The following CDK6 variants were observed in gnomAD, a reference collection of about 807,000 sequenced individuals.
CDK6 encodes cyclin-dependent kinase 6.
Under a neutral mutation model 37.1 loss-of-function variants are expected in CDK6, and 6 were observed. That is an observed-to-expected ratio of 0.16 (90% CI 0.09 to 0.32). The LOEUF (loss-of-function observed/expected upper bound fraction) is 0.32. Among genes scored for constraint, CDK6 ranks in the 10% least tolerant of loss-of-function variants. The pLI is 1.00. For missense variants in CDK6, 224 were observed against 418.9 expected (o/e 0.53, Z 4.06); for synonymous variants, 160 against 161.3 (o/e 0.99, Z 0.06).
intron 2 of CDK6, among the ~76,000 whole-genome samples, chr7:92,815,813 C>A (rs1403975378): frequency 6.6e-6 from 1 of 152,156 alleles, no homozygotes; most frequent in African/African-American, 2.4e-5. Flanking sequence ...ACATGTGGAA[C>A]TGCATGAAGT....
In CDK6 at chr7:92,607,281, G is replaced by A. The variant is rs1795450370; in HGVS notation, c.*7859C>T. The A allele has an allele frequency of 4.3e-6, 1 of 233,602 alleles. No homozygotes were observed. Among genetic ancestry groups the A allele is most frequent in the Admixed American group, 5.6e-5 (1 of 17,786 alleles). 14.5% of individuals were successfully genotyped at this position (233,602 alleles called of 1,614,324 possible). ...GGCAGACAAGAGGAGGCACCACCCA[G>A]GCACTGGTCTCTGCCTGGCATCTAT... is the stretch of plus-strand genomic sequence containing the variant. On this transcript the variant is annotated 3_prime_UTR_variant, in exon 8 of 8. Transcript: ENST00000424848.
rs528963145 is a variant in CDK6, at chr7:92,680,912, C to A, written c.538-9377G>T. ...ATGGCTCTTCTCTGAGCTTCCACTGCACTTCTATAGTACTTGACCCTTTCT... is the reference window on the plus strand; with the variant it reads ...ATGGCTCTTCTCTGAGCTTCCACTGAACTTCTATAGTACTTGACCCTTTCT... On this transcript the variant is annotated intron_variant, in intron 4 of 7. Transcript: ENST00000424848. 7.2e-5 allele frequency among the ~76,000 whole-genome samples: 11 copies of A among 152,330 alleles called. No individual in the cohort carries two copies. The South Asian group carries it at 2.1e-3, about 29-fold the overall frequency.
At chr7:92,724,726 A>G (rs1798467916) in intron 4 of CDK6, among the ~76,000 whole-genome samples, 1 of 150,616 alleles carries the variant, frequency 6.6e-6, no homozygotes, top group Non-Finnish European at 1.5e-5. Context: ...AATACGGATT[A>G]TTTTTTTTTA....
At chr7:92,797,425 C>T (rs895043758) in intron 2 of CDK6, among the ~76,000 whole-genome samples, 2 of 152,144 alleles carry the variant, frequency 1.3e-5, no homozygotes, top group African/African-American at 2.4e-5. Context: ...CTTGTGAGGT[C>T]GGGATGAGTC....
intron 2 of CDK6, among the ~76,000 whole-genome samples, chr7:92,810,710 A>G (rs1800858188): frequency 6.6e-6 from 1 of 152,218 alleles, no homozygotes; most frequent in South Asian, 2.1e-4. Context: ...TGACATAAGA[A>G]GATAAACAGT....
In CDK6 at chr7:92,606,662, T is replaced by C. The variant is rs1258252873; in HGVS notation, c.*8478A>G. ...ATTTTTTTTTTTTACTTTCAAAACA[T>C]TTTCTATTATAAGTCAGAAGGAAAA... On this transcript the variant is annotated 3_prime_UTR_variant, in exon 8 of 8. Transcript: ENST00000424848. The C allele has an allele frequency of 4.3e-6, 1 of 232,688 alleles. No individual in the cohort carries two copies. The highest frequency in any genetic ancestry group is 5.6e-5 in the Admixed American group (1 of 17,748). 14.4% of individuals were successfully genotyped at this position (232,688 alleles called of 1,614,324 possible).
At position 92,606,606 on chromosome 7, in the gene CDK6, C is replaced by T. The variant is rs1043830216; in HGVS notation, c.*8534G>A. 3.9e-5 allele frequency: 9 copies of T among 232,142 alleles called. No homozygotes were observed. Among genetic ancestry groups the T allele is most frequent in the African/African-American group, 1.8e-4 (8 of 44,966 alleles). The allele number at this position is 232,142 out of a possible 1,614,324, so 14.4% of individuals were successfully genotyped here. ...ATTTCTAGAACCATGATTTCAAACACAGAAACTAACAAGTCAAATTTCCAA... is the reference window on the plus strand; with the variant it reads ...ATTTCTAGAACCATGATTTCAAACATAGAAACTAACAAGTCAAATTTCCAA... On this transcript the variant is annotated 3_prime_UTR_variant, in exon 8 of 8. Coordinates refer to ENST00000424848, the MANE Select transcript of CDK6 (RefSeq NM_001145306.2).
intron 5 of CDK6, among the ~76,000 whole-genome samples, chr7:92,629,022 G>A (rs1049486947): frequency 9.2e-5 from 14 of 152,004 alleles, no homozygotes; most frequent in African/African-American, 3.1e-4. Flanking sequence ...GGGGAAAGAC[G>A]CACTTGAAGT....
chr7:92,714,799 T>C (rs549506450), intron 4 of CDK6, among the ~76,000 whole-genome samples: 63 of 152,314 alleles, frequency 4.1e-4, no homozygotes, highest in African/African-American at 1.4e-3. Context: ...AGTTTTTTTT[T>C]TTCTTTTTCT....
intron 2 of CDK6, among the ~76,000 whole-genome samples, chr7:92,788,695 CAA>C (rs1243961366): frequency 6.6e-6 from 1 of 152,162 alleles, no homozygotes; most frequent in African/African-American, 2.4e-5. Flanking sequence ...AAACCAAAGA[CAA>C]AGAGAGAATC....
rs34257565 is a variant in CDK6 at position 92,725,719 on chromosome 7, T to A, written c.444A>T (p.Pro148=). ...SHRVVHRDLK[P]QNILVTSSGQ... is the part of the protein sequence containing the mutation. ...CGCTGCTGGTCACCAGAATGTTCTG[T>A]GGTTTTAGATCGCGATGCACTACTC... is the stretch of plus-strand genomic sequence containing the variant. Residue 148 remains proline (P), a synonymous_variant, in exon 4 of 8, where the codon CCA becomes CCT. Coordinates refer to ENST00000424848, the MANE Select transcript of CDK6 (RefSeq NM_001145306.2). 0.011 allele frequency: 18,089 copies of A among 1,614,074 alleles called. 135 individuals are homozygous for A. Among genetic ancestry groups the A allele is most frequent in the Non-Finnish European group, 0.013 (15,852 of 1,179,942 alleles).
At chr7:92,735,237 G>T (rs867812377) in intron 3 of CDK6, among the ~76,000 whole-genome samples, 3 of 152,044 alleles carry the variant, frequency 2.0e-5, no homozygotes, top group Non-Finnish European at 4.4e-5. Flanking sequence ...TATCATTTTT[G>T]TAATAGTACA....
intron 2 of CDK6, among the ~76,000 whole-genome samples, chr7:92,787,429 A>C (rs889261723): frequency 2.0e-5 from 3 of 152,114 alleles, no homozygotes; most frequent in African/African-American, 7.2e-5. Flanking sequence ...AGGAAATCCT[A>C]ATCATCAATC....
At chr7:92,708,957 A>G (rs1337852397) in intron 4 of CDK6, among the ~76,000 whole-genome samples, 2 of 152,224 alleles carry the variant, frequency 1.3e-5, no homozygotes, top group Non-Finnish European at 2.9e-5. Flanking sequence ...GTATGAAGGC[A>G]ATTATGACCA....
At chr7:92,778,291 A>G (rs191571670) in intron 2 of CDK6, among the ~76,000 whole-genome samples, 7 of 152,192 alleles carry the variant, frequency 4.6e-5, no homozygotes, top group East Asian at 1.9e-4. Flanking sequence ...ATCCATTGAA[A>G]ATTTTTTCCT....
chr7:92,710,287 T>C (rs2116678929), intron 4 of CDK6, among the ~76,000 whole-genome samples: 1 of 152,326 alleles, frequency 6.6e-6, no homozygotes, highest in East Asian at 1.9e-4. Context: ...TGGAAAAGAT[T>C]GTCTTCCCTG....
In CDK6 at chr7:92,606,637, A is replaced by ATT. The variant is rs5885811; in HGVS notation, c.*8501_*8502dup. 1,477 of 220,078 alleles carry ATT rather than the reference A, an allele frequency of 6.7e-3. 4 individuals are homozygous for ATT. Among genetic ancestry groups the ATT allele is most frequent in the East Asian group, 0.019 (286 of 14,710 alleles). The allele number at this position is 220,078 out of a possible 1,614,324, so 13.6% of individuals were successfully genotyped here. ...CTAACAAGTCAAATTTCCAAATTAG[A>ATT]TTTTTTTTTTTTACTTTCAAAACAT... On this transcript the variant is annotated 3_prime_UTR_variant, in exon 8 of 8. Coordinates refer to ENST00000424848, the MANE Select transcript of CDK6 (RefSeq NM_001145306.2).
chr7:92,666,413 T>C (rs1562929479), intron 5 of CDK6, among the ~76,000 whole-genome samples: 2 of 152,242 alleles, frequency 1.3e-5, no homozygotes, highest in African/African-American at 2.4e-5. Flanking sequence ...ACACTTGTTA[T>C]AGGGTTTCCA....
intron 4 of CDK6, among the ~76,000 whole-genome samples, chr7:92,701,491 C>T (rs1427827818): frequency 4.6e-5 from 7 of 151,914 alleles, no homozygotes; most frequent in Admixed American, 2.0e-4. Flanking sequence ...CTGCAAGCTC[C>T]GCCTCCCGGG....
Sources: gnomAD v4.1 joint callset for allele counts (sites outside exome capture counted in the v4.1 genomes callset) on GRCh38, gnomAD v4.1.1 for gene constraint, MANE v1.5 for transcripts, NCBI Gene and HGNC (gene_info 2026-07-23, HGNC 2026-07-21) for gene names.